CEP15: variants seen among roughly 807,000 people sequenced by gnomAD.
The protein encoded by CEP15 is centrosomal protein 15, also known as centrosomal protein 15 kDa.
the CEP15 span, chr3:62,322,250 G>A: frequency 2.0e-6 from 1 of 503,424 alleles, no homozygotes; most frequent in Non-Finnish European, 3.4e-6. This position sits in a 1 kb window ranked among gnomAD's most constrained non-coding sequence, Gnocchi z 5.5. Flanking sequence ...TAAAAAAATT[G>A]AACTTTGCTT....
At chr3:62,333,172 A>C in the CEP15 span, 1 of 1,350,184 alleles carries the variant, frequency 7.4e-7, no homozygotes, top group South Asian at 1.2e-5. The surrounding 1 kb of genome is among the most constrained non-coding windows in gnomAD (Gnocchi z 4.0). Context: ...ACACACTCTT[A>C]AGTGAATAAA....
chr3:62,330,105 G>C, the CEP15 span, among the ~76,000 whole-genome samples: 1 of 151,994 alleles, frequency 6.6e-6, no homozygotes, highest in Non-Finnish European at 1.5e-5. Flanking sequence ...TGCATTAATG[G>C]TTGTGCAACT....
At chr3:62,331,465 G>A in the CEP15 span, 2 of 1,260,008 alleles carry the variant, frequency 1.6e-6, no homozygotes, top group East Asian at 2.3e-5. Flanking sequence ...TGCACTACAA[G>A]TTAAACAATG....
At chr3:62,329,702 T>G in the CEP15 span, among the ~76,000 whole-genome samples, 15 of 152,304 alleles carry the variant, frequency 9.8e-5, no homozygotes, top group African/African-American at 3.4e-4. Context: ...AAATCTGCTC[T>G]CCTGTAAGAG....
chr3:62,323,901 A>G, the CEP15 span: 5 of 152,350 alleles, frequency 3.3e-5, no homozygotes, highest in East Asian at 1.9e-4. Flanking sequence ...CAGTACTTCA[A>G]TAAACATTTA....
chr3:62,327,065 C>G, the CEP15 span, among the ~76,000 whole-genome samples: 14 of 152,116 alleles, frequency 9.2e-5, no homozygotes, highest in African/African-American at 3.1e-4. Flanking sequence ...CTAAAAGTAT[C>G]CCCTGACCTT....
chr3:62,331,917 T>G, the CEP15 span, among the ~76,000 whole-genome samples: 1 of 152,166 alleles, frequency 6.6e-6, no homozygotes, highest in Non-Finnish European at 1.5e-5. Flanking sequence ...TGAATATGTT[T>G]GTGATGAATG....
At chr3:62,319,832 G>A in the CEP15 span, 1 of 152,308 alleles carries the variant, frequency 6.6e-6, no homozygotes, top group Non-Finnish European at 1.5e-5. Flanking sequence ...CTTTAGCCAA[G>A]GTGAGCTTGC....
the CEP15 span, among the ~76,000 whole-genome samples, chr3:62,333,029 C>G: frequency 6.6e-6 from 1 of 152,106 alleles, no homozygotes; most frequent in Non-Finnish European, 1.5e-5. The surrounding 1 kb of genome is among the most constrained non-coding windows in gnomAD (Gnocchi z 4.0). Context: ...CTGCCAGGCT[C>G]TGGTTTTACT....
the CEP15 span, chr3:62,331,502 A>G: frequency 1.1e-5 from 11 of 986,910 alleles, no homozygotes; most frequent in Admixed American, 1.0e-4. Context: ...AGATATATTT[A>G]TTCAGTAAAT....
the CEP15 span, among the ~76,000 whole-genome samples, chr3:62,326,991 A>G: frequency 0.045 from 6,896 of 152,302 alleles, 528 homozygotes; most frequent in African/African-American, 0.15. Context: ...ATCTGTAGGC[A>G]TGTTTACATT....
chr3:62,324,747 A>G, the CEP15 span, among the ~76,000 whole-genome samples: 1 of 152,206 alleles, frequency 6.6e-6, no homozygotes, highest in Non-Finnish European at 1.5e-5. Flanking sequence ...AGTACAGCCT[A>G]CACTTTAAAA....
At chr3:62,326,376 A>C in the CEP15 span, among the ~76,000 whole-genome samples, 1 of 152,182 alleles carries the variant, frequency 6.6e-6, no homozygotes, top group Non-Finnish European at 1.5e-5. Flanking sequence ...CTATCCCAGA[A>C]ATTGGCCCTC....
At chr3:62,326,831 G>A in the CEP15 span, among the ~76,000 whole-genome samples, 1 of 152,096 alleles carries the variant, frequency 6.6e-6, no homozygotes, top group Non-Finnish European at 1.5e-5. Context: ...TTCACCTATA[G>A]CTATTTCTGA....
the CEP15 span, among the ~76,000 whole-genome samples, chr3:62,324,426 T>A: frequency 6.6e-6 from 1 of 152,066 alleles, no homozygotes. Flanking sequence ...TAAATAAGAC[T>A]TGATTGCAGA....
the CEP15 span, among the ~76,000 whole-genome samples, chr3:62,328,564 T>G: frequency 1.3e-5 from 2 of 152,160 alleles, no homozygotes; most frequent in African/African-American, 4.8e-5. Context: ...TTTTAAATGT[T>G]CTAGTGGCAA....
At chr3:62,322,519 A>T in the CEP15 span, 1 of 156,960 alleles carries the variant, frequency 6.4e-6, no homozygotes, top group African/African-American at 2.4e-5. The surrounding 1 kb of genome is among the most constrained non-coding windows in gnomAD (Gnocchi z 5.5). Context: ...ATGATAACAG[A>T]TTTCCCAGCT....
chr3:62,333,656 G>T, the CEP15 span: 1 of 247,918 alleles, frequency 4.0e-6, no homozygotes. This position sits in a 1 kb window ranked among gnomAD's most constrained non-coding sequence, Gnocchi z 4.0. Context: ...ATTATTGTCA[G>T]TGTTGTGAGT....
At chr3:62,327,123 A>G in the CEP15 span, among the ~76,000 whole-genome samples, 1 of 152,296 alleles carries the variant, frequency 6.6e-6, no homozygotes, top group Middle Eastern at 3.4e-3. Context: ...CATTTGTCCT[A>G]TGCGTTTCCC....
Sources: allele counts gnomAD v4.1 joint callset (sites outside exome capture counted in the v4.1 genomes callset), GRCh38; gene constraint gnomAD v4.1.1; non-coding constraint Gnocchi (gnomAD v3.1); transcripts MANE v1.5; gene names NCBI Gene and HGNC (gene_info 2026-07-23, HGNC 2026-07-21).